Variants in DNAH8 observed in about 807,000 individuals in gnomAD.
The protein encoded by DNAH8 is dynein axonemal heavy chain 8, also known as axonemal beta dynein heavy chain 8.
DNAH8 carries 382 observed loss-of-function variants against 562.1 expected under a neutral mutation model. The observed-to-expected ratio is 0.68, with a 90% CI of 0.63 to 0.74. The LOEUF (loss-of-function observed/expected upper bound fraction) is 0.74. DNAH8 is among the 30% of genes least tolerant of loss of function. The probability of loss-of-function intolerance (pLI) is 0.00; values close to 1 mark genes in which losing one functional copy is unlikely to be tolerated. For missense variants in DNAH8, 5,203 were observed against 5,620.4 expected (o/e 0.93, Z 2.37); for synonymous variants, 1,881 against 1,919.4 (o/e 0.98, Z 0.52).
chr6:38,800,058 CCT>C (rs1282614831), intron 21 of DNAH8, among the ~76,000 whole-genome samples: 1 of 152,180 alleles, frequency 6.6e-6, no homozygotes, highest in Non-Finnish European at 1.5e-5. Flanking sequence ...AAGCGATTCC[CCT>C]GTCTCACAAA....
intron 62 of DNAH8, among the ~76,000 whole-genome samples, chr6:38,905,891 T>G (rs947311744): frequency 5.9e-5 from 9 of 152,060 alleles, no homozygotes; most frequent in East Asian, 3.9e-4. Context: ...TATGGTTTTT[T>G]TTGTTGTTGT....
At chr6:39,010,823 ATG>A (rs1561973238) in intron 89 of DNAH8, among the ~76,000 whole-genome samples, 1 of 33,654 alleles carries the variant, frequency 3.0e-5, no homozygotes. Context: ...ACACACACGT[ATG>A]TATGTATGTA....
At chr6:38,766,139 A>ATGTGTGTGTGTGTGCGTGTGTGTG (rs57039279) in intron 11 of DNAH8, among the ~76,000 whole-genome samples, 44 of 151,000 alleles carry the variant, frequency 2.9e-4, no homozygotes, top group East Asian at 1.6e-3. Flanking sequence ...ATGTGTTTGT[A>ATGTGTGTGTGTGTGCGTGTGTGTG]TGTGTGTGTG....
intron 41 of DNAH8, among the ~76,000 whole-genome samples, chr6:38,853,843 T>C (rs1775960366): frequency 6.6e-6 from 1 of 152,142 alleles, no homozygotes; most frequent in African/African-American, 2.4e-5. Context: ...TATTTTATAA[T>C]AAAGTGTTGA....
chr6:39,021,957 A>G (rs1214146920), intron 91 of DNAH8, among the ~76,000 whole-genome samples: 1 of 152,252 alleles, frequency 6.6e-6, no homozygotes, highest in African/African-American at 2.4e-5. Flanking sequence ...TCTTTAAGCC[A>G]GCTGATTGCA....
intron 16 of DNAH8, among the ~76,000 whole-genome samples, chr6:38,782,277 A>ATATT (rs5875638): frequency 2.2e-4 from 33 of 148,706 alleles, no homozygotes; most frequent in South Asian, 4.3e-4. Flanking sequence ...TATTTTTTAA[A>ATATT]TATTTATTTA....
At chr6:38,956,188 G>A (rs1762231781) in intron 82 of DNAH8, among the ~76,000 whole-genome samples, 1 of 152,170 alleles carries the variant, frequency 6.6e-6, no homozygotes, top group African/African-American at 2.4e-5. Context: ...TAGCAGACTG[G>A]GAGTCTGAGC....
rs140354404 is a variant in DNAH8, at chr6:39,000,569, C to A, written c.13215-8245C>A. Among the ~76,000 whole-genome samples the A allele has an allele frequency of 5.9e-5, 9 of 152,312 alleles. No homozygotes were observed. In the East Asian group the frequency reaches 1.4e-3, roughly 23 times the overall value. On this transcript the variant is annotated intron_variant, in intron 88 of 92. Transcript: ENST00000327475. ...CTGCGCATGCCAGGGACCTAGGTTACACACTCCTTATGAGAATTTAATGCC... is the reference window on the plus strand; with the variant it reads ...CTGCGCATGCCAGGGACCTAGGTTAAACACTCCTTATGAGAATTTAATGCC...
At chr6:38,715,960 A>ATATATATATAT (rs1372342002) in intron 1 of DNAH8, among the ~76,000 whole-genome samples, 7 of 23,630 alleles carry the variant, frequency 3.0e-4, no homozygotes, top group African/African-American at 3.6e-4. Flanking sequence ...ATATATATAT[A>ATATATATATAT]TTTTTTTTTT....
At chr6:38,830,845 A>C (rs1464598897) in intron 30 of DNAH8, among the ~76,000 whole-genome samples, 1 of 152,172 alleles carries the variant, frequency 6.6e-6, no homozygotes, top group African/African-American at 2.4e-5. Context: ...CTCCACTACC[A>C]GTCAACTGGA....
intron 49 of DNAH8, among the ~76,000 whole-genome samples, chr6:38,870,942 A>G (rs938541386): frequency 3.3e-5 from 5 of 152,124 alleles, no homozygotes; most frequent in Admixed American, 1.3e-4. Context: ...TGGGAGTGCT[A>G]TTTTGCTCCT....
chr6:38,879,141 G>A (rs968600663), intron 53 of DNAH8, among the ~76,000 whole-genome samples: 7 of 152,044 alleles, frequency 4.6e-5, no homozygotes, highest in African/African-American at 1.7e-4. Context: ...TTTTATTGGT[G>A]AATTCGACTA....
chr6:38,870,704 C>T (rs576769088), intron 49 of DNAH8, 142 bp downstream of exon 49: 1 of 859,322 alleles, frequency 1.2e-6, no homozygotes, highest in Non-Finnish European at 1.8e-6. Context: ...AAAAAGAATA[C>T]TTGGAAGGAT....
At chr6:38,952,169 T>TA (rs1178896162) in intron 82 of DNAH8, among the ~76,000 whole-genome samples, 5 of 152,068 alleles carry the variant, frequency 3.3e-5, no homozygotes, top group Non-Finnish European at 2.9e-5. Context: ...AGTAGGAAAT[T>TA]AAAAAATAGA....
intron 53 of DNAH8, among the ~76,000 whole-genome samples, chr6:38,877,810 T>A (rs1172402954): frequency 6.6e-6 from 1 of 152,220 alleles, no homozygotes; most frequent in African/African-American, 2.4e-5. Context: ...TAACCTCTTA[T>A]ATTAAAAATA....
Position 38,862,437 on chromosome 6 carries a change from G to A in DNAH8, c.6289G>A (p.Gly2097Ser). ...TTGCTCAGATCAAATGGATTTCAGA[G>A]GCCTAGGAAGGATTTTCAAAGGCAA... ...FNCSDQMDFR[G>S]LGRIFKGLAQ... The change falls in exon 44 of 93, where the codon GGC (glycine) becomes AGC (serine). Residue 2097 changes from glycine (G) to serine (S), a missense_variant. Gly to Ser is a moderately conservative substitution (Grantham distance 56). Transcript: ENST00000327475. 6.2e-7 allele frequency: 1 copy of A among 1,607,920 alleles called. No homozygotes were observed. Among genetic ancestry groups the A allele is most frequent in the Non-Finnish European group, 8.5e-7 (1 of 1,177,912 alleles).
At chr6:38,976,736 T>C (rs116794765) in intron 85 of DNAH8, among the ~76,000 whole-genome samples, 2,850 of 152,360 alleles carry the variant, frequency 0.019, 43 homozygotes, top group Middle Eastern at 0.031. Flanking sequence ...TTCTTTTCTC[T>C]CTCTAGTGTT....
At chr6:38,810,042 A>G (rs1295061267) in intron 24 of DNAH8, among the ~76,000 whole-genome samples, 1 of 152,062 alleles carries the variant, frequency 6.6e-6, no homozygotes, top group African/African-American at 2.4e-5. Flanking sequence ...TTTATACCTG[A>G]TAATTTTCCT....
At chr6:39,000,249 G>A (rs1216512773) in intron 88 of DNAH8, among the ~76,000 whole-genome samples, 2 of 152,264 alleles carry the variant, frequency 1.3e-5, no homozygotes, top group Non-Finnish European at 2.9e-5. Context: ...GTACAATATG[G>A]TAAACTCTAA....
Sources: gnomAD v4.1 joint callset for allele counts (sites outside exome capture counted in the v4.1 genomes callset) on GRCh38, gnomAD v4.1.1 for gene constraint, MANE v1.5 for transcripts, NCBI Gene and HGNC (gene_info 2026-07-23, HGNC 2026-07-21) for gene names.